The following ADORA2B variants were observed in gnomAD, a reference collection of about 807,000 sequenced individuals.
ADORA2B encodes adenosine A2b receptor, also known as adenosine receptor A2b.
ADORA2B carries 18 observed loss-of-function variants against 20.8 expected under a neutral mutation model. The ratio of observed to expected loss-of-function variants is 0.87; its 90% CI spans 0.60 to 1.29. The LOEUF (loss-of-function observed/expected upper bound fraction) is 1.29, where lower values mean the gene tolerates loss of function less well. ADORA2B is among the 50% of genes most tolerant of loss of function. ADORA2B has a pLI of 0.00. For missense variants in ADORA2B, 441 were observed against 422.7 expected, an observed-to-expected ratio of 1.04 and a Z score of -0.38; for synonymous variants, 179 against 178.3, an observed-to-expected ratio of 1.00 and a Z score of -0.03.
chr17:15,925,182 C>T, the ADORA2B span, among the ~76,000 whole-genome samples: 2 of 152,036 alleles, frequency 1.3e-5, no homozygotes, highest in African/African-American at 4.8e-5. Context: ...ATTATAGGCG[C>T]CTGCCACCAT....
chr17:15,927,573 G>A, the ADORA2B span, among the ~76,000 whole-genome samples: 1 of 152,196 alleles, frequency 6.6e-6, no homozygotes, highest in Non-Finnish European at 1.5e-5. Flanking sequence ...CTTGAACTCA[G>A]GAGGCGGAGG....
In ADORA2B at chr17:15,945,270, GCGC is replaced by G. The variant is rs1250156915; in HGVS notation, c.23_25del (p.Ala8_Leu9delinsVal). ...GGCCATGCTGCTGGAGACACAGGAC[GCGC>G]TGTACGTGGCGCTGGAGCTGGTCAT... On this transcript the variant is annotated inframe_deletion, in exon 1 of 2. Coordinates refer to ENST00000304222, the MANE Select transcript of ADORA2B (RefSeq NM_000676.4). The G allele has an allele frequency of 2.7e-6, 4 of 1,502,536 alleles. No individual in the cohort carries two copies. Among genetic ancestry groups the G allele is most frequent in the Non-Finnish European group, 3.5e-6 (4 of 1,127,918 alleles). The allele number at this position is 1,502,536 out of a possible 1,614,324, so 93.1% of individuals were successfully genotyped here. A position where few individuals can be genotyped will look rare whatever the true frequency, so the allele number is the denominator to read the frequency against.
At chr17:15,964,863 C>CAT (rs1555589371) in intron 1 of ADORA2B, among the ~76,000 whole-genome samples, 1 of 151,896 alleles carries the variant, frequency 6.6e-6, no homozygotes, top group Non-Finnish European at 1.5e-5. Context: ...AGATCGAGAC[C>CAT]ATCCTGGCTA....
the ADORA2B span, among the ~76,000 whole-genome samples, chr17:15,924,613 G>GCA: frequency 6.6e-6 from 1 of 152,020 alleles, no homozygotes; most frequent in Non-Finnish European, 1.5e-5. Flanking sequence ...GGTGGTGGAT[G>GCA]CCTGTAGTCC....
chr17:15,873,127 T>C, the ADORA2B span, among the ~76,000 whole-genome samples: 1 of 152,228 alleles, frequency 6.6e-6, no homozygotes, highest in Non-Finnish European at 1.5e-5. Context: ...TGCTGAACTT[T>C]GTTGAATGCT....
At chr17:15,884,682 C>T in the ADORA2B span, among the ~76,000 whole-genome samples, 1 of 152,160 alleles carries the variant, frequency 6.6e-6, no homozygotes, top group Non-Finnish European at 1.5e-5. Flanking sequence ...TTGGTTTTCT[C>T]TTCCTGTATT....
the ADORA2B span, among the ~76,000 whole-genome samples, chr17:15,923,900 T>TTTGTTG: frequency 6.6e-6 from 1 of 152,156 alleles, no homozygotes; most frequent in Non-Finnish European, 1.5e-5. Flanking sequence ...CTTTGTTTTT[T>TTTGTTG]TTGTTGTTGT....
the ADORA2B span, among the ~76,000 whole-genome samples, chr17:15,903,159 T>A: frequency 2.6e-5 from 4 of 152,322 alleles, no homozygotes; most frequent in East Asian, 5.8e-4. Context: ...CACTTGAAAA[T>A]TTTTAAAAAG....
chr17:15,869,064 A>G, the ADORA2B span, among the ~76,000 whole-genome samples: 1 of 151,212 alleles, frequency 6.6e-6, no homozygotes, highest in Non-Finnish European at 1.5e-5. Flanking sequence ...TCATGCCTGC[A>G]ATCCCAGCAC....
At chr17:15,943,640 A>C (rs1035286189), upstream of ADORA2B, among the ~76,000 whole-genome samples, 1 of 152,240 alleles carries the variant, frequency 6.6e-6, no homozygotes, top group African/African-American at 2.4e-5. Context: ...CATTACAGCT[A>C]CATTGAGATA....
At chr17:15,906,692 ATT>A in the ADORA2B span, among the ~76,000 whole-genome samples, 1 of 152,190 alleles carries the variant, frequency 6.6e-6, no homozygotes, top group East Asian at 1.9e-4. Context: ...TTCCTTAAGT[ATT>A]AGATAGAATT....
the ADORA2B span, among the ~76,000 whole-genome samples, chr17:15,885,608 G>C: frequency 6.6e-6 from 1 of 152,140 alleles, no homozygotes; most frequent in African/African-American, 2.4e-5. Context: ...CAGCTACTCA[G>C]GAGGCTGAGG....
chr17:15,873,043 A>G, the ADORA2B span, among the ~76,000 whole-genome samples: 7 of 152,162 alleles, frequency 4.6e-5, no homozygotes, highest in African/African-American at 1.7e-4. Flanking sequence ...TGGGTTTGTC[A>G]TATATCCACA....
At chr17:15,934,272 A>G in the ADORA2B span, among the ~76,000 whole-genome samples, 1 of 152,150 alleles carries the variant, frequency 6.6e-6, no homozygotes, top group Non-Finnish European at 1.5e-5. Flanking sequence ...TCTGTCACCC[A>G]GGTTGCAGTT....
chr17:15,912,131 C>T, the ADORA2B span, among the ~76,000 whole-genome samples: 1 of 149,984 alleles, frequency 6.7e-6, no homozygotes, highest in African/African-American at 2.5e-5. Flanking sequence ...GGGAGAATCG[C>T]TTGAACCTGG....
chr17:15,856,905 C>T, the ADORA2B span, among the ~76,000 whole-genome samples: 1 of 152,140 alleles, frequency 6.6e-6, no homozygotes, highest in African/African-American at 2.4e-5. Context: ...AGACCAGCTG[C>T]AGAAATTTAC....
At chr17:15,852,533 G>GA in the ADORA2B span, among the ~76,000 whole-genome samples, 150 of 152,002 alleles carry the variant, frequency 9.9e-4, no homozygotes, top group Middle Eastern at 3.4e-3. Context: ...ACCAAATGAT[G>GA]AAAAAAACAA....
At chr17:15,929,095 G>A in the ADORA2B span, among the ~76,000 whole-genome samples, 3 of 152,120 alleles carry the variant, frequency 2.0e-5, no homozygotes, top group Admixed American at 6.5e-5. Flanking sequence ...GGGAGACCCC[G>A]ACTTCTAGCA....
chr17:15,946,291 A>G (rs1969805213), intron 1 of ADORA2B, among the ~76,000 whole-genome samples: 1 of 152,182 alleles, frequency 6.6e-6, no homozygotes, highest in African/African-American at 2.4e-5. Flanking sequence ...GTAACTATTT[A>G]TCTCCTGCTG....
Sources: allele counts gnomAD v4.1 joint callset (sites outside exome capture counted in the v4.1 genomes callset), GRCh38; gene constraint gnomAD v4.1.1; transcripts MANE v1.5; gene names NCBI Gene and HGNC (gene_info 2026-07-23, HGNC 2026-07-21).